The following ANK1 variants were observed in gnomAD, a reference collection of about 807,000 sequenced individuals.
The protein encoded by ANK1 is ankyrin-1.
ANK1 carries 51 observed loss-of-function variants against 210.4 expected under a neutral mutation model. The ratio of observed to expected loss-of-function variants is 0.24; its 90% confidence interval spans 0.19 to 0.31. The LOEUF is 0.31. Ranked by LOEUF, ANK1 falls within the 10% of genes least tolerant of loss-of-function variation. The probability of loss-of-function intolerance (pLI) is 1.00; values close to 1 mark genes in which losing one functional copy is unlikely to be tolerated. For missense variants in ANK1, 2,051 were observed against 2,504.4 expected, an observed-to-expected ratio of 0.82 and a Z score of 3.86; for synonymous variants, 967 against 1,025.9, an observed-to-expected ratio of 0.94 and a Z score of 1.10.
intron 16 of ANK1, among the ~76,000 whole-genome samples, chr8:41,711,422 G>A (rs192696935): frequency 4.5e-4 from 69 of 152,268 alleles, no homozygotes; most frequent in African/African-American, 1.6e-3. Flanking sequence ...GCAACTGACC[G>A]GCATTCATGT....
intron 37 of ANK1, among the ~76,000 whole-genome samples, chr8:41,675,796 G>C (rs773089404): frequency 6.6e-6 from 1 of 152,062 alleles, no homozygotes; most frequent in East Asian, 1.9e-4. Flanking sequence ...AGGTGACCCC[G>C]ATCTGCTTTT....
chr8:41,655,880 A>G (rs1805507425), intron 42 of ANK1, 127 bp from the exon 43 acceptor site: 23 of 1,093,684 alleles, frequency 2.1e-5, no homozygotes, highest in Non-Finnish European at 3.0e-5. Flanking sequence ...CAGTCTCCCC[A>G]GGCAGGGCGA....
At chr8:41,754,711 T>C (rs1056229077) in intron 2 of ANK1, among the ~76,000 whole-genome samples, 1 of 152,232 alleles carries the variant, frequency 6.6e-6, no homozygotes, top group African/African-American at 2.4e-5. Context: ...ATTACGCAGA[T>C]GCAGGATCGT....
At chr8:41,817,801 C>T (rs1262415485) in intron 1 of ANK1, among the ~76,000 whole-genome samples, 3 of 152,202 alleles carry the variant, frequency 2.0e-5, no homozygotes, top group Non-Finnish European at 4.4e-5. Flanking sequence ...AACAAACATG[C>T]TTTTCACCAC....
intron 1 of ANK1, among the ~76,000 whole-genome samples, chr8:41,894,462 C>A (rs1820048948): frequency 6.6e-6 from 1 of 152,036 alleles, no homozygotes; most frequent in South Asian, 2.1e-4. Context: ...ATATTGAAAT[C>A]ACCGCTTTCA....
intron 1 of ANK1, among the ~76,000 whole-genome samples, chr8:41,772,809 A>T (rs933966326): frequency 6.6e-6 from 1 of 151,364 alleles, no homozygotes; most frequent in African/African-American, 2.4e-5. Flanking sequence ...ATCCTCACCC[A>T]CCCAAGGAGC....
intron 1 of ANK1, among the ~76,000 whole-genome samples, chr8:41,867,053 GTATAAATTT>G (rs1814602523): frequency 1.3e-5 from 2 of 152,156 alleles, no homozygotes; most frequent in African/African-American, 4.8e-5. Flanking sequence ...ATCTACCCTA[GTATAAATTT>G]TACATCCATC....
At chr8:41,756,144 AT>A (rs1414933566) in intron 2 of ANK1, among the ~76,000 whole-genome samples, 1 of 151,748 alleles carries the variant, frequency 6.6e-6, no homozygotes, top group East Asian at 1.9e-4. Context: ...TTATTTATTT[AT>A]TTTATTTATT....
chr8:41,811,242 G>T (rs1391058106), intron 1 of ANK1, among the ~76,000 whole-genome samples: 1 of 152,284 alleles, frequency 6.6e-6, no homozygotes, highest in Non-Finnish European at 1.5e-5. Flanking sequence ...CTGAGGAAGG[G>T]AGCGGGGGTT....
intron 2 of ANK1, among the ~76,000 whole-genome samples, chr8:41,752,804 C>CCA (rs201807452): frequency 6.6e-6 from 1 of 151,654 alleles, no homozygotes; most frequent in Non-Finnish European, 1.5e-5. Context: ...ACAGGCCCCC[C>CCA]CCCACTGCAC....
At chr8:41,865,338 G>T (rs1211550659) in intron 1 of ANK1, among the ~76,000 whole-genome samples, 1 of 152,208 alleles carries the variant, frequency 6.6e-6, no homozygotes, top group East Asian at 1.9e-4. Context: ...TCCCACAGGA[G>T]ACTCAGCAGC....
intron 1 of ANK1, among the ~76,000 whole-genome samples, chr8:41,795,238 CGCAGCGGCTCACGCCTGTAATGCCG>C (rs1563790535): frequency 6.6e-6 from 1 of 152,126 alleles, no homozygotes; most frequent in Non-Finnish European, 1.5e-5. Context: ...ATAGGCCAGG[CGCAGCGGCTCACGCCTGTAATGCCG>C]GCACTTTGGG....
intron 22 of ANK1, chr8:41,700,443 T>C (rs866901423): frequency 2.5e-6 from 4 of 1,613,780 alleles, no homozygotes; most frequent in Non-Finnish European, 3.4e-6. Context: ...ATTATAGTTA[T>C]ATGAGCAGTT....
At chr8:41,709,100 C>G in intron 16 of ANK1, 125 bp from the exon 17 acceptor site, 1 of 1,041,432 alleles carries the variant, frequency 9.6e-7, no homozygotes. Context: ...GCTGGCATCA[C>G]CCAGGAGCAA....
At chr8:41,659,476 G>A (rs1807060033) in intron 42 of ANK1, among the ~76,000 whole-genome samples, 1 of 152,180 alleles carries the variant, frequency 6.6e-6, no homozygotes, top group South Asian at 2.1e-4. Flanking sequence ...GTTAGCGAGT[G>A]GACGAATTCG....
At chr8:41,744,866 C>T (rs1245820355) in intron 2 of ANK1, among the ~76,000 whole-genome samples, 1 of 152,214 alleles carries the variant, frequency 6.6e-6, no homozygotes, top group Non-Finnish European at 1.5e-5. Flanking sequence ...TCCTGTCCAG[C>T]ATGGCCATAT....
intron 1 of ANK1, among the ~76,000 whole-genome samples, chr8:41,789,761 C>T (rs567518187): frequency 1.3e-5 from 2 of 152,282 alleles, no homozygotes; most frequent in South Asian, 2.1e-4. Flanking sequence ...AACTGTTCAA[C>T]CCTGTTTCCT....
intron 1 of ANK1, among the ~76,000 whole-genome samples, chr8:41,868,456 G>C (rs1299344542): frequency 6.6e-6 from 1 of 152,202 alleles, no homozygotes; most frequent in Non-Finnish European, 1.5e-5. Context: ...AATTATTCAG[G>C]CGTGGTTTGT....
intron 1 of ANK1, among the ~76,000 whole-genome samples, chr8:41,863,929 C>T (rs143794550): frequency 9.3e-4 from 141 of 152,174 alleles, no homozygotes; most frequent in African/African-American, 2.9e-3. Flanking sequence ...GGCTGCTGCA[C>T]GTTCTGCGCT....
Sources: allele counts gnomAD v4.1 joint callset (sites outside exome capture counted in the v4.1 genomes callset), GRCh38; gene constraint gnomAD v4.1.1; transcripts MANE v1.5; gene names NCBI Gene and HGNC (gene_info 2026-07-23, HGNC 2026-07-21).